Variants in ABCC1 observed in about 807,000 individuals in gnomAD.
ABCC1 encodes the protein multidrug resistance-associated protein 1.
In ABCC1, 83 loss-of-function variants were observed where a neutral mutation model predicts 172.9. The observed-to-expected ratio is 0.48, with a 90% CI of 0.40 to 0.58. The LOEUF (loss-of-function observed/expected upper bound fraction) is 0.58, where lower values mean the gene tolerates loss of function less well. Among genes scored for constraint, ABCC1 ranks in the 20% least tolerant of loss-of-function variants. The probability of loss-of-function intolerance (pLI) is 0.00; values close to 1 mark genes in which losing one functional copy is unlikely to be tolerated. For synonymous variants in ABCC1, 937 were observed against 825.2 expected, an observed-to-expected ratio of 1.14 and a Z score of -2.32; for missense variants, 1,817 against 2,002.7, an observed-to-expected ratio of 0.91 and a Z score of 1.77.
Position 16,068,322 on chromosome 16 carries a change from C to T in ABCC1, c.1824+20C>T, listed in dbSNP as rs201383710. ...GTGCAGGTACAGGGGGAAGCTGGGGCGACTTCCGAGAGGGGGCCTTGGGGT... is the reference window on the plus strand; with the variant it reads ...GTGCAGGTACAGGGGGAAGCTGGGGTGACTTCCGAGAGGGGGCCTTGGGGT... On this transcript the variant is annotated intron_variant, in intron 13 of 30. Transcript: ENST00000399410. 136 of 1,612,446 alleles carry T rather than the reference C, an allele frequency of 8.4e-5. No homozygotes were observed. Among genetic ancestry groups the T allele is most frequent in the Middle Eastern group, 4.9e-4 (3 of 6,070 alleles).
chr16:15,980,511 A>T (rs754828258), intron 1 of ABCC1, among the ~76,000 whole-genome samples: 65 of 152,266 alleles, frequency 4.3e-4, no homozygotes, highest in Non-Finnish European at 5.3e-4. Context: ...CAGGAAGGAG[A>T]AGTGCTGAGC....
intron 5 of ABCC1, among the ~76,000 whole-genome samples, chr16:16,017,819 C>T (rs765341300): frequency 1.8e-4 from 27 of 151,910 alleles, no homozygotes; most frequent in Non-Finnish European, 3.1e-4. Flanking sequence ...TGCATGTGAG[C>T]GGAGACCTAG....
rs560928189 is a variant in ABCC1 at position 16,107,449 on chromosome 16, C to G, written c.2871+576C>G. On this transcript the variant is annotated intron_variant, in intron 21 of 30. Coordinates refer to ENST00000399410, the MANE Select transcript of ABCC1 (RefSeq NM_004996.4). ...GGATTACAGAAACTTGCTACCTTGC[C>G]CAGCTAATTTTTGTATTTTTAGTAG... Among the ~76,000 whole-genome samples, 9 of 152,146 alleles carry G rather than the reference C, an allele frequency of 5.9e-5. No individual in the cohort carries two copies. In the South Asian group the frequency reaches 1.9e-3, roughly 32 times the overall value.
intron 30 of ABCC1, among the ~76,000 whole-genome samples, chr16:16,140,969 T>A (rs2046104406): frequency 6.6e-6 from 1 of 152,180 alleles, no homozygotes; most frequent in Non-Finnish European, 1.5e-5. Flanking sequence ...GGGGTAGATA[T>A]TAAGGAGCTG....
In ABCC1 at chr16:16,083,560, G is replaced by A. The variant is rs752287942; in HGVS notation, c.2292+18G>A. 19 of 1,595,864 alleles carry A rather than the reference G, an allele frequency of 1.2e-5. No homozygotes were observed. The highest frequency in any genetic ancestry group is 2.7e-5 in the African/African-American group (2 of 74,594). The stretch of plus-strand genomic sequence containing the variant: ...GCGAGAAGGTCAGTATAGGTTGGAT[G>A]TTGGCCCCTGAATCAGTCAGCTGTT... On this transcript the variant is annotated intron_variant, in intron 17 of 30. Transcript: ENST00000399410.
At chr16:16,089,471 C>T (rs1230646752) in intron 18 of ABCC1, among the ~76,000 whole-genome samples, 1 of 151,906 alleles carries the variant, frequency 6.6e-6, no homozygotes, top group Non-Finnish European at 1.5e-5. Flanking sequence ...TCGCTTGAAC[C>T]CAGGAAGCAT....
intron 26 of ABCC1, 54 bp from the exon 27 acceptor site, chr16:16,131,735 G>A: frequency 3.1e-6 from 5 of 1,591,502 alleles, no homozygotes; most frequent in Non-Finnish European, 4.3e-6. Flanking sequence ...GGGAGTCACA[G>A]CTTTACCAGA....
At chr16:16,139,752 G>A (rs1567449354) in intron 30 of ABCC1, among the ~76,000 whole-genome samples, 2 of 152,006 alleles carry the variant, frequency 1.3e-5, no homozygotes, top group African/African-American at 2.4e-5. Flanking sequence ...ACAAAAGTCA[G>A]AATGCTGCCA....
chr16:16,059,364 C>T (rs566228431), intron 12 of ABCC1, among the ~76,000 whole-genome samples: 4 of 152,238 alleles, frequency 2.6e-5, no homozygotes, highest in African/African-American at 7.2e-5. Flanking sequence ...TCTCTTCCAG[C>T]GTAGTGCAAA....
At chr16:16,053,058 G>A (rs937861122) in intron 11 of ABCC1, among the ~76,000 whole-genome samples, 1 of 152,062 alleles carries the variant, frequency 6.6e-6, no homozygotes, top group Non-Finnish European at 1.5e-5. Flanking sequence ...TCATTATATT[G>A]GGCAGCCAAG....
intron 25 of ABCC1, 68 bp from the exon 26 acceptor site, chr16:16,125,742 A>AAC: frequency 8.4e-7 from 1 of 1,194,616 alleles, no homozygotes; most frequent in Non-Finnish European, 1.2e-6. Flanking sequence ...CTCAGTGGAA[A>AAC]AAAAGAAAAA....
At chr16:16,043,528 G>A (rs1304006707) in intron 7 of ABCC1, among the ~76,000 whole-genome samples, 1 of 151,692 alleles carries the variant, frequency 6.6e-6, no homozygotes, top group Non-Finnish European at 1.5e-5. Context: ...TGAACCTGCC[G>A]ACCTCAGGTG....
intron 19 of ABCC1, among the ~76,000 whole-genome samples, chr16:16,096,302 T>C (rs2152038803): frequency 6.6e-6 from 1 of 151,944 alleles, no homozygotes; most frequent in South Asian, 2.1e-4. Context: ...GAAGGGGAGC[T>C]GTTGTTAGCT....
intron 7 of ABCC1, among the ~76,000 whole-genome samples, chr16:16,040,148 G>T (rs2048921405): frequency 6.6e-6 from 1 of 151,900 alleles, no homozygotes; most frequent in South Asian, 2.1e-4. Flanking sequence ...CAGGCTGGAT[G>T]GCAGTGGCAT....
At chr16:16,052,081 A>C (rs892494509) in intron 10 of ABCC1, among the ~76,000 whole-genome samples, 2 of 152,182 alleles carry the variant, frequency 1.3e-5, no homozygotes, top group African/African-American at 4.8e-5. Flanking sequence ...AAATCAAAAA[A>C]ATAGCTGGGC....
At chr16:15,985,618 T>C (rs1323954721) in intron 1 of ABCC1, among the ~76,000 whole-genome samples, 1 of 152,074 alleles carries the variant, frequency 6.6e-6, no homozygotes, top group East Asian at 1.9e-4. Flanking sequence ...CTAATTTTTA[T>C]ATTTTTAGTA....
At chr16:16,016,757 C>G in intron 5 of ABCC1, 136 bp downstream of exon 5, 2 of 1,295,606 alleles carry the variant, frequency 1.5e-6, no homozygotes, top group South Asian at 1.5e-5. Context: ...GGAATATCAT[C>G]CCACCTACTT....
intron 5 of ABCC1, among the ~76,000 whole-genome samples, chr16:16,029,559 C>A (rs1026631717): frequency 6.6e-6 from 1 of 152,112 alleles, no homozygotes; most frequent in Non-Finnish European, 1.5e-5. Context: ...CATAGGTGAA[C>A]GTTTTAATAT....
intron 5 of ABCC1, among the ~76,000 whole-genome samples, chr16:16,025,180 T>C (rs1378348202): frequency 6.6e-6 from 1 of 152,182 alleles, no homozygotes. Flanking sequence ...CTCTTACTGC[T>C]GGACATTTAG....
Sources: allele counts gnomAD v4.1 joint callset (sites outside exome capture counted in the v4.1 genomes callset), GRCh38; gene constraint gnomAD v4.1.1; transcripts MANE v1.5; gene names NCBI Gene and HGNC (gene_info 2026-07-23, HGNC 2026-07-21).